The following MMP24 variants were observed in gnomAD, a reference collection of about 807,000 sequenced individuals.
The protein encoded by MMP24 is matrix metallopeptidase 24.
MMP24 carries 25 observed loss-of-function variants against 62.8 expected under a neutral mutation model. That is an observed-to-expected ratio of 0.40 (90% CI 0.29 to 0.56). The LOEUF is 0.56. Among genes scored for constraint, MMP24 ranks in the 20% least tolerant of loss-of-function variants. MMP24 has a pLI of 0.50. For synonymous variants in MMP24, 319 were observed against 350.5 expected (o/e 0.91, Z 1.00); for missense variants, 634 against 853.6 (o/e 0.74, Z 3.21).
In MMP24 at chr20:35,267,516, G is replaced by A. The variant is rs746283291; in HGVS notation, c.1194+97G>A. On this transcript the variant is annotated intron_variant, in intron 6 of 8. Transcript: ENST00000246186. ...GGGGAAGGCTCCTGATTTGGGATTC[G>A]ATTACAATGGGGCCTGGACAGGAGC... 19 of 1,277,842 alleles carry A rather than the reference G, an allele frequency of 1.5e-5. No individual in the cohort carries two copies. In the Middle Eastern group the frequency reaches 5.6e-4, roughly 38 times the overall value. The allele number at this position is 1,277,842 out of a possible 1,614,324, so 79.2% of individuals were successfully genotyped here.
In MMP24 at chr20:35,261,704, C is replaced by A. The variant is rs549362708; in HGVS notation, c.818-2087C>A. Among the ~76,000 whole-genome samples, 16 of 152,240 alleles carry A rather than the reference C, an allele frequency of 1.1e-4. No individual in the cohort carries two copies. In the South Asian group the frequency reaches 3.3e-3, roughly 32 times the overall value. ...GAGAGCTGCCCACGCCCGGGCCCCA[C>A]CTGCCCTGCCCGGGGTCTCCTGAAG... is the stretch of plus-strand genomic sequence containing the variant. On this transcript the variant is annotated intron_variant, in intron 4 of 8. Coordinates refer to ENST00000246186, the MANE Select transcript of MMP24 (RefSeq NM_006690.4).
intron 2 of MMP24, 104 bp downstream of exon 2, chr20:35,247,092 T>A: frequency 1.4e-6 from 2 of 1,383,646 alleles, no homozygotes; most frequent in Non-Finnish European, 2.0e-6. Flanking sequence ...TCCCTTCCTA[T>A]CTTTTATTCC....
intron 2 of MMP24, among the ~76,000 whole-genome samples, chr20:35,251,204 C>T (rs1332516005): frequency 2.6e-5 from 4 of 151,756 alleles, no homozygotes; most frequent in African/African-American, 9.7e-5. Context: ...CTGCAACCTC[C>T]GCCTCACGGG....
At position 35,269,942 on chromosome 20, in the gene MMP24, T is replaced by C. The variant is rs1354342757; in HGVS notation, c.1333+44T>C. 2.6e-6 allele frequency: 4 copies of C among 1,549,088 alleles called. No homozygotes were observed. The highest frequency in any genetic ancestry group is 2.6e-6 in the Non-Finnish European group (3 of 1,145,310). On this transcript the variant is annotated intron_variant, in intron 7 of 8. Coordinates refer to ENST00000246186, the MANE Select transcript of MMP24 (RefSeq NM_006690.4). The surrounding 1 kb of genome is among the most constrained non-coding windows in gnomAD (Gnocchi z 4.6). ...TGGGACAGTTCCCTGCCCAAGGTCT[T>C]GGGACCTCCTTTTTCCCATCTAAAC... is the stretch of plus-strand genomic sequence containing the variant.
chr20:35,250,771 T>A lies in MMP24; in HGVS notation c.396-1134T>A, dbSNP rs551410801. On this transcript the variant is annotated intron_variant, in intron 2 of 8. Coordinates refer to ENST00000246186, the MANE Select transcript of MMP24 (RefSeq NM_006690.4). ...AGGGGGAAGAGTGAGAAGGGGGAGG[T>A]GCTCCACACCATTAAACAACCAGAT... Among the ~76,000 whole-genome samples the A allele has an allele frequency of 1.9e-3, 288 of 150,576 alleles. 3 individuals are homozygous for A. In the Middle Eastern group the frequency reaches 0.024, roughly 12 times the overall value.
chr20:35,239,596 G>A (rs908790628), intron 1 of MMP24, among the ~76,000 whole-genome samples: 4 of 152,174 alleles, frequency 2.6e-5, no homozygotes, highest in African/African-American at 9.7e-5. Context: ...CAAGGCAGAT[G>A]TATCACTTGA....
At position 35,275,706 on chromosome 20, in the gene MMP24, A is replaced by C. The variant is rs868091192; in HGVS notation, c.*1097A>C. On this transcript the variant is annotated 3_prime_UTR_variant, in exon 9 of 9. Transcript: ENST00000246186. ...GGCGTCTGAAGTGCTCAGTGCCCCC[A>C]CTACTCTGAGGCCGACTCCAGCTAC... is the stretch of plus-strand genomic sequence containing the variant. The C allele has an allele frequency of 3.9e-6, 1 of 253,868 alleles. No homozygotes were observed. Among genetic ancestry groups the C allele is most frequent in the Admixed American group, 5.5e-5 (1 of 18,126 alleles). The allele number at this position is 253,868 out of a possible 1,614,324, so 15.7% of individuals were successfully genotyped here. A position where few individuals can be genotyped will look rare whatever the true frequency, so the allele number is the denominator to read the frequency against.
At chr20:35,273,557 G>A (rs1477449800) in intron 8 of MMP24, among the ~76,000 whole-genome samples, 5 of 152,152 alleles carry the variant, frequency 3.3e-5, no homozygotes, top group East Asian at 1.9e-4. Flanking sequence ...GATGCTTTAC[G>A]CACAAGATCT....
At chr20:35,268,379 A>C (rs114948364) in intron 6 of MMP24, among the ~76,000 whole-genome samples, 1 of 152,140 alleles carries the variant, frequency 6.6e-6, no homozygotes, top group Non-Finnish European at 1.5e-5. Context: ...AGGATGGTGA[A>C]AGAGGCTGCC....
At chr20:35,273,112 T>C (rs2060681364) in intron 8 of MMP24, among the ~76,000 whole-genome samples, 1 of 151,880 alleles carries the variant, frequency 6.6e-6, no homozygotes, top group Admixed American at 6.6e-5. Context: ...TAAAGCAAGA[T>C]GGCAACAGAC....
chr20:35,273,035 A>T (rs1196187157), intron 8 of MMP24, among the ~76,000 whole-genome samples: 1 of 152,168 alleles, frequency 6.6e-6, no homozygotes, highest in South Asian at 2.1e-4. Context: ...AATAATAGAC[A>T]GCTTGTGTGG....
At chr20:35,227,130 C>A in intron 1 of MMP24, 146 bp downstream of exon 1, 2 of 651,096 alleles carry the variant, frequency 3.1e-6, no homozygotes, top group Non-Finnish European at 3.8e-6. Flanking sequence ...TGGGTCCGGG[C>A]TGGCGCGGCC....
Position 35,263,954 on chromosome 20 carries a change from TG to T in MMP24, c.979+3del. The T allele has an allele frequency of 6.3e-7, 1 of 1,598,462 alleles. No homozygotes were observed. The highest frequency in any genetic ancestry group is 8.5e-7 in the Non-Finnish European group (1 of 1,171,132). ...TCCAGGGCATCCAGAAGATCTATGGTGTGTGGCAGGGAGAGGGGGGACTGCT... is the reference window on the plus strand; with the variant it reads ...TCCAGGGCATCCAGAAGATCTATGGTTGTGGCAGGGAGAGGGGGGACTGCT... On this transcript the variant is annotated splice_donor_region_variant and intron_variant, in intron 5 of 8. Coordinates refer to ENST00000246186, the MANE Select transcript of MMP24 (RefSeq NM_006690.4).
At chr20:35,227,111 T>A in intron 1 of MMP24, 127 bp downstream of exon 1, 1 of 755,606 alleles carries the variant, frequency 1.3e-6, no homozygotes, top group Non-Finnish European at 1.6e-6. Context: ...GCGCCGGGGG[T>A]CCGCGCCTTG....
Position 35,259,480 on chromosome 20 carries a change from G to A in MMP24, c.818-4311G>A, listed in dbSNP as rs147054341. On this transcript the variant is annotated intron_variant, in intron 4 of 8. Transcript: ENST00000246186. ...GGAGGAAGCGGTCAGTGCCATAAAGGCAGTTCAGGGAAACTGCTGGGAGGG... is the reference window on the plus strand; with the variant it reads ...GGAGGAAGCGGTCAGTGCCATAAAGACAGTTCAGGGAAACTGCTGGGAGGG... Among the ~76,000 whole-genome samples the A allele has an allele frequency of 3.9e-4, 60 of 152,290 alleles. 2 individuals are homozygous for A. The East Asian group carries it at 0.011, about 27-fold the overall frequency.
At chr20:35,253,584 T>C (rs142524564) in intron 3 of MMP24, among the ~76,000 whole-genome samples, 28 of 152,090 alleles carry the variant, frequency 1.8e-4, no homozygotes, top group African/African-American at 6.8e-4. Context: ...CCCCAGAGGG[T>C]CACAGGGCAG....
At chr20:35,272,258 T>C (rs537817105) in intron 8 of MMP24, 3 of 425,982 alleles carry the variant, frequency 7.0e-6, no homozygotes, top group African/African-American at 4.1e-5. Flanking sequence ...TTCTAAGAGA[T>C]AAGGTCTCAC....
chr20:35,270,235 G>C (rs1271299241), intron 7 of MMP24, among the ~76,000 whole-genome samples: 1 of 152,216 alleles, frequency 6.6e-6, no homozygotes, highest in Non-Finnish European at 1.5e-5. Context: ...GGAGGGTGTG[G>C]GAGGGAGCTA....
At chr20:35,248,771 G>A (rs918880431) in intron 2 of MMP24, among the ~76,000 whole-genome samples, 8 of 152,246 alleles carry the variant, frequency 5.3e-5, no homozygotes, top group Admixed American at 1.3e-4. Context: ...CCTTGGCCCC[G>A]TGGTCTCCAG....
Sources: gnomAD v4.1 joint callset for allele counts (sites outside exome capture counted in the v4.1 genomes callset) on GRCh38, gnomAD v4.1.1 for gene constraint, Gnocchi (gnomAD v3.1) non-coding constraint, MANE v1.5 for transcripts, NCBI Gene and HGNC (gene_info 2026-07-23, HGNC 2026-07-21) for gene names.